The following WHRN variants were observed in gnomAD, a reference collection of about 807,000 sequenced individuals.
The protein encoded by WHRN is CASK-interacting protein CIP98.
Under a neutral mutation model 68.3 loss-of-function variants are expected in WHRN, and 41 were observed. The ratio of observed to expected loss-of-function variants is 0.60; its 90% CI spans 0.47 to 0.78. The LOEUF (loss-of-function observed/expected upper bound fraction) is 0.78, where lower values mean the gene tolerates loss of function less well. Among genes scored for constraint, WHRN ranks in the 30% least tolerant of loss-of-function variants. The pLI, the probability that WHRN is intolerant of heterozygous loss-of-function variation, is 0.00. For missense variants in WHRN, 1,243 were observed against 1,244.7 expected (o/e 1.00, Z 0.02); for synonymous variants, 560 against 561.3 (o/e 1.00, Z 0.03).
At chr9:114,419,563 T>C (rs1836098547) in intron 7 of WHRN, among the ~76,000 whole-genome samples, 1 of 152,176 alleles carries the variant, frequency 6.6e-6, no homozygotes, top group Admixed American at 6.5e-5. Context: ...AGAGGAGCCG[T>C]GGCCTGAAAG....
At position 114,424,184 on chromosome 9, in the gene WHRN, G is replaced by A. The variant is rs182247665; in HGVS notation, c.1416+150C>T. The A allele has an allele frequency of 2.5e-3, 2,180 of 888,808 alleles. 30 individuals carry two copies. The highest frequency in any genetic ancestry group is 0.017 in the East Asian group (706 of 40,366). 55.1% of individuals were successfully genotyped at this position (888,808 alleles called of 1,614,324 possible). ...TCCCCCAGGAGTCTGTGAGCATCCT[G>A]GGGGCAGGAGGCTGCCTCAGTCCCA... On this transcript the variant is annotated intron_variant, in intron 6 of 11. Coordinates refer to ENST00000362057, the MANE Select transcript of WHRN (RefSeq NM_015404.4).
intron 3 of WHRN, among the ~76,000 whole-genome samples, chr9:114,459,459 T>TC (rs1380808680): frequency 4.7e-5 from 3 of 63,668 alleles, no homozygotes; most frequent in Admixed American, 3.9e-4. Flanking sequence ...CGAGAGTTCA[T>TC]CTAAAAAAAA....
chr9:114,454,783 T>G (rs767868096), intron 3 of WHRN, among the ~76,000 whole-genome samples: 13 of 152,152 alleles, frequency 8.5e-5, no homozygotes, highest in Non-Finnish European at 1.2e-4. Context: ...AAGAACAAAT[T>G]GGAGGACTCT....
chr9:114,474,785 C>T (rs924401468), intron 2 of WHRN, among the ~76,000 whole-genome samples: 9 of 152,170 alleles, frequency 5.9e-5, no homozygotes, highest in African/African-American at 2.2e-4. Context: ...CCTCCTCACA[C>T]TGGGGAGGTG....
In WHRN at chr9:114,501,672, GA is replaced by G. The variant is rs147019336; in HGVS notation, c.618+2511del. On this transcript the variant is annotated intron_variant, in intron 1 of 11. Transcript: ENST00000362057. Reference sequence around the variant, plus strand: ...CAGGAAAAAAAATATTGTTAAGACTGAAAACACATCTTCTACTAAATGCAAT... The same window carrying G: ...CAGGAAAAAAAATATTGTTAAGACTGAAACACATCTTCTACTAAATGCAAT... Among the ~76,000 whole-genome samples the G allele has an allele frequency of 4.4e-3, 672 of 151,848 alleles. 2 individuals carry two copies. Among genetic ancestry groups the G allele is most frequent in the African/African-American group, 0.015 (639 of 41,352 alleles).
At chr9:114,471,021 G>C (rs534419645) in intron 2 of WHRN, among the ~76,000 whole-genome samples, 1 of 152,148 alleles carries the variant, frequency 6.6e-6, no homozygotes, top group African/African-American at 2.4e-5. Flanking sequence ...CTTTACATCA[G>C]AATAAAATGA....
At chr9:114,492,741 T>C (rs565285576) in intron 1 of WHRN, among the ~76,000 whole-genome samples, 10 of 151,844 alleles carry the variant, frequency 6.6e-5, no homozygotes, top group African/African-American at 2.4e-4. Context: ...GTCCCAGCAG[T>C]TTGGGAGGTG....
rs141805441 is a variant in WHRN, at chr9:114,470,959, T to C, written c.838-4567A>G. ...CATGTCTGCAGCAGCCCACTCTGAA[T>C]ACTAAGGATGAAAACAAACCTCCCC... On this transcript the variant is annotated intron_variant, in intron 2 of 11. Coordinates refer to ENST00000362057, the MANE Select transcript of WHRN (RefSeq NM_015404.4). Among the ~76,000 whole-genome samples, 804 of 152,130 alleles carry C rather than the reference T, an allele frequency of 5.3e-3. 1 individual carries two copies. Among genetic ancestry groups the C allele is most frequent in the Middle Eastern group, 0.01 (3 of 294 alleles).
rs1442370566 is a variant in WHRN, at chr9:114,504,684, G to A, written c.118C>T (p.Arg40Cys). 6.3e-7 allele frequency: 1 copy of A among 1,596,594 alleles called. No individual in the cohort carries two copies. The highest frequency in any genetic ancestry group is 2.2e-5 in the East Asian group (1 of 44,494). ...AGLRLLSANV[R>C]QLHQALTALL... ...GCGGTCAGCGCTTGGTGCAGCTGGC[G>A]CACGTTGGCAGACAGTAACCGCAGC... The change falls in exon 1 of 12, where the codon CGC (arginine) becomes TGC (cysteine). Residue 40 changes from arginine to cysteine, a missense_variant. By Grantham distance (180) the Arg-to-Cys change is radical. Coordinates refer to ENST00000362057, the MANE Select transcript of WHRN (RefSeq NM_015404.4).
chr9:114,481,003 T>A (rs890130609), intron 1 of WHRN, among the ~76,000 whole-genome samples: 8 of 152,178 alleles, frequency 5.3e-5, no homozygotes, highest in African/African-American at 1.9e-4. Flanking sequence ...GAGGTCACAT[T>A]GCTTTCAATA....
At chr9:114,442,705 C>T (rs1156620416) in intron 3 of WHRN, among the ~76,000 whole-genome samples, 2 of 152,172 alleles carry the variant, frequency 1.3e-5, no homozygotes, top group Non-Finnish European at 2.9e-5. Flanking sequence ...CTTGCTCCCT[C>T]TCTTACCATG....
intron 3 of WHRN, among the ~76,000 whole-genome samples, chr9:114,431,417 G>A (rs1057318022): frequency 3.5e-4 from 54 of 152,180 alleles, no homozygotes; most frequent in Admixed American, 1.3e-3. Flanking sequence ...GTCACTGGTC[G>A]TACTGGAAGT....
At chr9:114,418,625 C>A (rs1836003815) in intron 7 of WHRN, among the ~76,000 whole-genome samples, 1 of 152,238 alleles carries the variant, frequency 6.6e-6, no homozygotes, top group African/African-American at 2.4e-5. Context: ...CGTACTCCCT[C>A]TGCTCTGGCC....
At chr9:114,473,042 C>T (rs1350482357) in intron 2 of WHRN, among the ~76,000 whole-genome samples, 5 of 152,170 alleles carry the variant, frequency 3.3e-5, no homozygotes, top group South Asian at 4.1e-4. Flanking sequence ...CAGCCTGAGC[C>T]GAAGGGCAGG....
intron 7 of WHRN, among the ~76,000 whole-genome samples, chr9:114,416,594 C>T (rs1589086947): frequency 6.6e-6 from 1 of 152,184 alleles, no homozygotes; most frequent in Non-Finnish European, 1.5e-5. Context: ...CAAACTTCCA[C>T]CATAATTTTA....
chr9:114,406,527 G>A lies in WHRN; in HGVS notation c.2064C>T (p.His688=). ...TGGCCTCTGCAGAGGGGCTTTTCAG[G>A]TGCGGGGGTGACTGGACCCGTGGGA... ...GPFPRVQSPP[H]LKSPSAEATV... Residue 688 remains histidine (H), a synonymous_variant, in exon 9 of 12, where the codon CAC becomes CAT. Coordinates refer to ENST00000362057, the MANE Select transcript of WHRN (RefSeq NM_015404.4). 2 of 1,613,874 alleles carry A rather than the reference G, an allele frequency of 1.2e-6. No homozygotes were observed. The highest frequency in any genetic ancestry group is 1.7e-6 in the Non-Finnish European group (2 of 1,179,882).
At chr9:114,410,185 G>C (rs375183593) in intron 7 of WHRN, among the ~76,000 whole-genome samples, 1 of 152,032 alleles carries the variant, frequency 6.6e-6, no homozygotes, top group African/African-American at 2.4e-5. Context: ...TGTCTATCCC[G>C]TTCCTGCTTT....
chr9:114,411,292 T>C (rs1162091515), intron 7 of WHRN, among the ~76,000 whole-genome samples: 1 of 152,188 alleles, frequency 6.6e-6, no homozygotes, highest in African/African-American at 2.4e-5. Context: ...AGGCAGTGAT[T>C]GACATGCATT....
intron 1 of WHRN, among the ~76,000 whole-genome samples, chr9:114,498,127 T>C (rs1843618762): frequency 1.3e-5 from 2 of 152,168 alleles, no homozygotes. Context: ...GATCATTCCA[T>C]TCATTCGGCA....
Sources: allele counts gnomAD v4.1 joint callset (sites outside exome capture counted in the v4.1 genomes callset), GRCh38; gene constraint gnomAD v4.1.1; transcripts MANE v1.5; gene names NCBI Gene and HGNC (gene_info 2026-07-23, HGNC 2026-07-21).